The following CFAP57 variants were observed in gnomAD, a reference collection of about 807,000 sequenced individuals.
CFAP57 encodes the protein cilia and flagella associated protein 57, also known as cilia- and flagella-associated protein 57.
Under a neutral mutation model 146.8 loss-of-function variants are expected in CFAP57, and 116 were observed. The ratio of observed to expected loss-of-function variants is 0.79; its 90% CI spans 0.68 to 0.92. The LOEUF (loss-of-function observed/expected upper bound fraction) is 0.92, where lower values mean the gene tolerates loss of function less well. Ranked by LOEUF, CFAP57 falls within the 40% of genes least tolerant of loss-of-function variation. CFAP57 has a pLI of 0.00. For synonymous variants in CFAP57, 518 were observed against 552.8 expected, an observed-to-expected ratio of 0.94 and a Z score of 0.88; for missense variants, 1,377 against 1,527.2, an observed-to-expected ratio of 0.90 and a Z score of 1.64.
intron 6 of CFAP57, among the ~76,000 whole-genome samples, chr1:43,191,283 T>C (rs934094502): frequency 6.6e-6 from 1 of 152,122 alleles, no homozygotes; most frequent in Non-Finnish European, 1.5e-5. Context: ...TTCTGTAAGC[T>C]TAATGGTAAT....
At chr1:43,199,905 G>A (rs934602827) in intron 9 of CFAP57, among the ~76,000 whole-genome samples, 6 of 152,216 alleles carry the variant, frequency 3.9e-5, no homozygotes, top group Non-Finnish European at 7.3e-5. Context: ...GTGGTGCCAG[G>A]ATAAACCGTG....
At chr1:43,202,792 A>AG (rs1557765538) in intron 9 of CFAP57, among the ~76,000 whole-genome samples, 3 of 143,062 alleles carry the variant, frequency 2.1e-5, no homozygotes, top group Non-Finnish European at 4.5e-5. Flanking sequence ...CAAAAAAAAA[A>AG]CAAAATGAAA....
At chr1:43,180,223 T>TA (rs1365826886) in intron 2 of CFAP57, among the ~76,000 whole-genome samples, 4,502 of 137,366 alleles carry the variant, frequency 0.033, 245 homozygotes, top group African/African-American at 0.1. Flanking sequence ...TATATATATT[T>TA]TATATATATA....
intron 8 of CFAP57, 129 bp downstream of exon 8, chr1:43,198,775 A>AG: frequency 1.1e-6 from 1 of 911,314 alleles, no homozygotes; most frequent in Non-Finnish European, 1.7e-6. Context: ...GCTTAAAAAA[A>AG]GGGGGAAGGA....
At chr1:43,173,570 C>T (rs1377980266) in intron 2 of CFAP57, among the ~76,000 whole-genome samples, 1 of 152,176 alleles carries the variant, frequency 6.6e-6, no homozygotes. Flanking sequence ...GTGCTTCTCC[C>T]TGTATTCTGT....
At chr1:43,215,733 G>C (rs909244598) in intron 12 of CFAP57, among the ~76,000 whole-genome samples, 1 of 152,248 alleles carries the variant, frequency 6.6e-6, no homozygotes, top group Non-Finnish European at 1.5e-5. Flanking sequence ...ATGACCAACA[G>C]TTCCTAGCAC....
At position 43,254,153 on chromosome 1, in the gene CFAP57, T is replaced by TCCAACTC. The variant is rs2124703035; in HGVS notation, c.3717_3723dup (p.Glu1242GlnfsTer63). 1 of 1,550,390 alleles carries TCCAACTC rather than the reference T, an allele frequency of 6.4e-7. No individual in the cohort carries two copies. Among genetic ancestry groups the TCCAACTC allele is most frequent in the Non-Finnish European group, 8.7e-7 (1 of 1,146,974 alleles). ...CGCTGGAGTTCGGCTTCCTTCCCTC[T>TCCAACTC]CCAACTCCGAGGTAGACTTAGAGGT... On this transcript the variant is annotated frameshift_variant, in exon 23 of 23. Transcript: ENST00000372492. LOFTEE classifies it low-confidence loss of function (END_TRUNC).
intron 11 of CFAP57, 143 bp from the exon 12 acceptor site, chr1:43,215,112 C>G: frequency 1.1e-6 from 1 of 880,688 alleles, no homozygotes; most frequent in Non-Finnish European, 1.8e-6. Context: ...GGGCTCCTCT[C>G]TCATTCTTAC....
intron 18 of CFAP57, among the ~76,000 whole-genome samples, chr1:43,229,463 G>T (rs1365301575): frequency 6.7e-6 from 1 of 148,632 alleles, no homozygotes; most frequent in Non-Finnish European, 1.5e-5. Flanking sequence ...CCCTCTGGGG[G>T]TCATAGACAC....
intron 17 of CFAP57, 115 bp downstream of exon 17, chr1:43,224,319 T>C: frequency 8.1e-7 from 1 of 1,229,250 alleles, no homozygotes; most frequent in South Asian, 1.8e-5. Context: ...TTTAACTTGA[T>C]GGGGGAACCA....
chr1:43,185,678 CAAAAAAA>C (rs57421849), intron 5 of CFAP57, among the ~76,000 whole-genome samples: 9 of 65,676 alleles, frequency 1.4e-4, no homozygotes, highest in Admixed American at 7.9e-4. Context: ...CCCATCTCTA[CAAAAAAA>C]AAAAAAAAAA....
At position 43,181,827 on chromosome 1, in the gene CFAP57, A is replaced by G. The variant is rs112693021; in HGVS notation, c.451A>G (p.Thr151Ala). The G allele has an allele frequency of 3.7e-6, 6 of 1,614,202 alleles. No homozygotes were observed. Among genetic ancestry groups the G allele is most frequent in the Non-Finnish European group, 5.1e-6 (6 of 1,180,044 alleles). The change falls in exon 3 of 23, where the codon ACT (threonine) becomes GCT (alanine). Residue 151 changes from threonine (T) to alanine (A), a missense_variant. Coordinates refer to ENST00000372492, the MANE Select transcript of CFAP57 (RefSeq NM_001378189.1). ...QKVMAIVRID[T>A]QNNPVYQVSF... ...AGTAATGGCCATTGTTAGAATCGACACTCAGAACAACCCTGTCTACCAGGT... is the reference window on the plus strand; with the variant it reads ...AGTAATGGCCATTGTTAGAATCGACGCTCAGAACAACCCTGTCTACCAGGT...
At chr1:43,220,467 A>G (rs560848902) in intron 13 of CFAP57, among the ~76,000 whole-genome samples, 47 of 152,310 alleles carry the variant, frequency 3.1e-4, no homozygotes, top group Non-Finnish European at 5.7e-4. Flanking sequence ...GCTCACCCCT[A>G]TAATCCTAAC....
chr1:43,227,017 A>G lies in CFAP57; in HGVS notation c.2900A>G (p.Gln967Arg). 6.6e-7 allele frequency: 1 copy of G among 1,526,618 alleles called. No individual in the cohort carries two copies. Among genetic ancestry groups the G allele is most frequent in the South Asian group, 1.3e-5 (1 of 79,436 alleles). 94.6% of individuals were successfully genotyped at this position (1,526,618 alleles called of 1,614,324 possible). Residue 967 changes from glutamine to arginine, a missense_variant, in exon 18 of 23, where the codon CAA becomes CGA. Coordinates refer to ENST00000372492, the MANE Select transcript of CFAP57 (RefSeq NM_001378189.1). ...ATTTATGATCTGAAAAAGAAAAATCAAGAACTAGGGAAATTCAAGTTTGTG... is the reference window on the plus strand; with the variant it reads ...ATTTATGATCTGAAAAAGAAAAATCGAGAACTAGGGAAATTCAAGTTTGTG... ...KRIYDLKKKN[Q>R]ELGKFKFVLD...
chr1:43,227,346 C>CA (rs1645286559), intron 18 of CFAP57, among the ~76,000 whole-genome samples: 1 of 152,220 alleles, frequency 6.6e-6, no homozygotes, highest in Non-Finnish European at 1.5e-5. Context: ...TAACTTGCCA[C>CA]GGGACCTGGA....
intron 11 of CFAP57, chr1:43,210,445 G>A: frequency 8.9e-7 from 1 of 1,117,712 alleles, no homozygotes; most frequent in Non-Finnish European, 1.1e-6. Context: ...ACAGACGAAT[G>A]CATAAGCAAA....
Position 43,199,490 on chromosome 1 carries a change from G to GAC in CFAP57, c.1535_1536dup (p.Gly513GlnfsTer16). 2.5e-6 allele frequency: 4 copies of GAC among 1,614,138 alleles called. No homozygotes were observed. Among genetic ancestry groups the GAC allele is most frequent in the Non-Finnish European group, 3.4e-6 (4 of 1,180,016 alleles). On this transcript the variant is annotated frameshift_variant, in exon 9 of 23. Transcript: ENST00000372492. LOFTEE classifies it high-confidence loss of function. ...CTAGAGAACATCTCAAGCCTGAAAG[G>GAC]ACACACAGGGAAGGTAAGTGAGTGA...
chr1:43,217,008 A>G (rs1372614281), intron 12 of CFAP57, among the ~76,000 whole-genome samples: 1 of 152,224 alleles, frequency 6.6e-6, no homozygotes, highest in African/African-American at 2.4e-5. Context: ...AGCACAGGGG[A>G]AGGAACTTGG....
intron 21 of CFAP57, among the ~76,000 whole-genome samples, chr1:43,242,959 A>G (rs1361419385): frequency 1.3e-5 from 2 of 152,170 alleles, no homozygotes; most frequent in African/African-American, 2.4e-5. Flanking sequence ...TAAAAAGTGC[A>G]TGGAAAAGCA....
Sources: allele counts gnomAD v4.1 joint callset (sites outside exome capture counted in the v4.1 genomes callset), GRCh38; gene constraint gnomAD v4.1.1; transcripts MANE v1.5; gene names NCBI Gene and HGNC (gene_info 2026-07-23, HGNC 2026-07-21).